IGSF21: variants seen among roughly 807,000 people sequenced by gnomAD.
IGSF21 encodes immunoglobulin superfamily member 21.
Under a neutral mutation model 46.8 loss-of-function variants are expected in IGSF21, and 28 were observed. That is an observed-to-expected ratio of 0.60 (90% CI 0.44 to 0.82). IGSF21 has a LOEUF of 0.82. IGSF21 is among the 40% of genes least tolerant of loss of function. The pLI, the probability that IGSF21 is intolerant of heterozygous loss-of-function variation, is 0.00. For synonymous variants in IGSF21, 284 were observed against 273.6 expected, an observed-to-expected ratio of 1.04 and a Z score of -0.38; for missense variants, 624 against 665.5, an observed-to-expected ratio of 0.94 and a Z score of 0.69.
intron 3 of IGSF21, among the ~76,000 whole-genome samples, chr1:18,333,232 T>C (rs539034447): frequency 6.6e-6 from 1 of 152,320 alleles, no homozygotes; most frequent in African/African-American, 2.4e-5. Flanking sequence ...CTGCTATGAC[T>C]TGAGAACTTC....
chr1:18,139,973 G>T (rs1482140263), intron 1 of IGSF21, among the ~76,000 whole-genome samples: 1 of 152,076 alleles, frequency 6.6e-6, no homozygotes, highest in Non-Finnish European at 1.5e-5. Context: ...TTTAGACAGG[G>T]TCTCGCTCTG....
intron 2 of IGSF21, among the ~76,000 whole-genome samples, chr1:18,282,091 T>A (rs1229869138): frequency 6.6e-6 from 1 of 152,004 alleles, no homozygotes; most frequent in East Asian, 1.9e-4. Context: ...CTGAATGACC[T>A]CCTAGGGCAC....
intron 1 of IGSF21, among the ~76,000 whole-genome samples, chr1:18,140,838 C>T (rs2086409112): frequency 6.6e-6 from 1 of 152,222 alleles, no homozygotes; most frequent in Admixed American, 6.5e-5. Flanking sequence ...CGGGCTGCCC[C>T]TTCTCCCCAC....
rs76093314 is a variant in IGSF21, at chr1:18,297,534, C to T, written c.305+5547C>T. Among the ~76,000 whole-genome samples the T allele has an allele frequency of 4.6e-3, 694 of 152,184 alleles. 9 individuals carry two copies. The highest frequency in any genetic ancestry group is 0.016 in the African/African-American group (652 of 41,514). On this transcript the variant is annotated intron_variant, in intron 3 of 9. Coordinates refer to ENST00000251296, the MANE Select transcript of IGSF21 (RefSeq NM_032880.5). Reference sequence around the variant, plus strand: ...ATGCCTTTAAAATAATAAGGAAAAACAGTTACAGTGTGTGATGAGTGTGGT... The same window carrying T: ...ATGCCTTTAAAATAATAAGGAAAAATAGTTACAGTGTGTGATGAGTGTGGT...
chr1:18,217,701 C>G (rs1415043538), intron 1 of IGSF21, among the ~76,000 whole-genome samples: 1 of 152,200 alleles, frequency 6.6e-6, no homozygotes, highest in African/African-American at 2.4e-5. Flanking sequence ...TACCCACTAC[C>G]CACTCCTGTT....
chr1:18,339,643 T>C (rs1323355716), intron 4 of IGSF21, among the ~76,000 whole-genome samples: 1 of 152,204 alleles, frequency 6.6e-6, no homozygotes. Flanking sequence ...GAGGATTACT[T>C]GAGCCTGGGA....
At chr1:18,208,395 A>ATATATATATATT (rs369367032) in intron 1 of IGSF21, among the ~76,000 whole-genome samples, 17 of 123,772 alleles carry the variant, frequency 1.4e-4, no homozygotes, top group East Asian at 7.0e-4. Context: ...ATATATATAT[A>ATATATATATATT]TTTTTTGAGA....
chr1:18,253,108 C>A (rs539114054), intron 2 of IGSF21, among the ~76,000 whole-genome samples: 2 of 152,340 alleles, frequency 1.3e-5, no homozygotes, highest in South Asian at 4.1e-4. Context: ...TAGGAACTCA[C>A]TCTACCATAA....
At chr1:18,333,051 G>T (rs1165725903) in intron 3 of IGSF21, among the ~76,000 whole-genome samples, 1 of 152,176 alleles carries the variant, frequency 6.6e-6, no homozygotes, top group Non-Finnish European at 1.5e-5. Flanking sequence ...GAGGCTGAAG[G>T]GAGGATAAGA....
chr1:18,246,115 A>G (rs748443211), intron 2 of IGSF21, among the ~76,000 whole-genome samples: 8 of 152,082 alleles, frequency 5.3e-5, no homozygotes, highest in Non-Finnish European at 1.2e-4. Flanking sequence ...AGTCCCAGTT[A>G]TATTTTGTTT....
chr1:18,247,527 C>G (rs2084797197), intron 2 of IGSF21, among the ~76,000 whole-genome samples: 2 of 152,192 alleles, frequency 1.3e-5, no homozygotes, highest in South Asian at 4.1e-4. Flanking sequence ...GAACCATGGG[C>G]CAGGAAGCAG....
chr1:18,354,790 TG>T (rs1368280950), intron 4 of IGSF21, among the ~76,000 whole-genome samples: 2 of 152,224 alleles, frequency 1.3e-5, no homozygotes, highest in African/African-American at 2.4e-5. Context: ...CCCTATACAT[TG>T]TTCTCAGCCA....
intron 1 of IGSF21, among the ~76,000 whole-genome samples, chr1:18,197,168 G>A (rs2087018164): frequency 6.6e-6 from 1 of 152,226 alleles, no homozygotes; most frequent in Admixed American, 6.5e-5. Context: ...CGAGGAAGGA[G>A]TGTGTTTGGA....
intron 3 of IGSF21, 75 bp downstream of exon 3, chr1:18,292,062 C>T: frequency 6.8e-7 from 1 of 1,465,908 alleles, no homozygotes; most frequent in Non-Finnish European, 9.4e-7. Flanking sequence ...GGGCAGTTCT[C>T]CAGCCCTTTC....
chr1:18,135,323 C>T (rs1463998800), intron 1 of IGSF21, among the ~76,000 whole-genome samples: 3 of 152,114 alleles, frequency 2.0e-5, no homozygotes, highest in African/African-American at 7.2e-5. Context: ...AGGTTAGTTA[C>T]ATATGTATAC....
chr1:18,310,238 A>G (rs1313507686), intron 3 of IGSF21, among the ~76,000 whole-genome samples: 1 of 152,108 alleles, frequency 6.6e-6, no homozygotes, highest in African/African-American at 2.4e-5. Flanking sequence ...TTTATAAAGG[A>G]GTTGGTATCC....
chr1:18,227,815 C>A, intron 1 of IGSF21, 83 bp from the exon 2 acceptor site: 1 of 932,934 alleles, frequency 1.1e-6, no homozygotes, highest in Non-Finnish European at 1.8e-6. Flanking sequence ...CCTCTGTCTG[C>A]TGTCTCCCTG....
intron 2 of IGSF21, among the ~76,000 whole-genome samples, chr1:18,252,045 GTTTTTTTTTTTT>G (rs59704256): frequency 4.2e-5 from 3 of 72,066 alleles, no homozygotes; most frequent in Non-Finnish European, 7.6e-5. Context: ...TGACCAAGGC[GTTTTTTTTTTTT>G]TTTTTTTTTT....
Position 18,108,057 on chromosome 1 carries a change from C to A in IGSF21, c.-72C>A. On this transcript the variant is annotated 5_prime_UTR_variant, in exon 1 of 10. Transcript: ENST00000251296. ...GCCGGAGGCAGGAGCGCGTCTGAGC[C>A]CATGGCGAGGGGACCCGCCGCCACC... The A allele has an allele frequency of 1.5e-6, 1 of 671,938 alleles. No homozygotes were observed. Among genetic ancestry groups the A allele is most frequent in the Non-Finnish European group, 2.2e-6 (1 of 456,180 alleles). The allele number at this position is 671,938 out of a possible 1,614,324, so 41.6% of individuals were successfully genotyped here.
Sources: allele counts gnomAD v4.1 joint callset (sites outside exome capture counted in the v4.1 genomes callset), GRCh38; gene constraint gnomAD v4.1.1; transcripts MANE v1.5; gene names NCBI Gene and HGNC (gene_info 2026-07-23, HGNC 2026-07-21).